The following CEP83 variants were observed in gnomAD, a reference collection of about 807,000 sequenced individuals.
CEP83 encodes centrosomal protein 83.
Under a neutral mutation model 101.9 loss-of-function variants are expected in CEP83, and 70 were observed. The observed-to-expected ratio is 0.69, with a 90% CI of 0.57 to 0.84. The LOEUF is 0.84. Among genes scored for constraint, CEP83 ranks in the 40% least tolerant of loss-of-function variants. The probability of loss-of-function intolerance (pLI) is 0.00; values close to 1 mark genes in which losing one functional copy is unlikely to be tolerated. For missense variants in CEP83, 715 were observed against 787.2 expected (o/e 0.91, Z 1.10); for synonymous variants, 264 against 267.9 (o/e 0.99, Z 0.14).
intron 11 of CEP83, among the ~76,000 whole-genome samples, chr12:94,358,096 C>G (rs2060567779): frequency 6.6e-6 from 1 of 152,210 alleles, no homozygotes; most frequent in Non-Finnish European, 1.5e-5. Flanking sequence ...GCCAATTCAA[C>G]CTGCTCAATT....
Position 94,333,499 on chromosome 12 carries a change from C to A in CEP83, c.1560G>T (p.Ala520=). 1.2e-6 allele frequency: 2 copies of A among 1,613,162 alleles called. No homozygotes were observed. The highest frequency in any genetic ancestry group is 2.2e-5 in the South Asian group (2 of 90,818). ...CRNFRSQAEK[A]QLEAEKTLEE... ...AACTCTACTTTTCAGCTTCTAGTTG[C>A]GCTTTTTCAGCTTGGCTTCTAAAAT... The change falls in exon 13 of 17, where the codon GCG becomes GCT. Residue 520 remains alanine (A), a synonymous_variant. Transcript: ENST00000397809.
chr12:94,370,792 C>A (rs1381731347), intron 8 of CEP83, among the ~76,000 whole-genome samples: 2 of 152,004 alleles, frequency 1.3e-5, no homozygotes. Flanking sequence ...TGTTGGAGAC[C>A]AGCCTGGGCA....
At chr12:94,305,348 C>A, downstream of CEP83, 1 of 894,886 alleles carries the variant, frequency 1.1e-6, no homozygotes, top group Non-Finnish European at 1.8e-6. Context: ...AAAATGGCTG[C>A]TTGAGCTACT....
rs540773895 is a variant in CEP83 at position 94,313,514 on chromosome 12, A to G, written c.1708-497T>C. ...TGTGCCACTCCACCCTGGACAACAGATCAAGAACCCATTAAAAAAAAAAAA... is the reference window on the plus strand; with the variant it reads ...TGTGCCACTCCACCCTGGACAACAGGTCAAGAACCCATTAAAAAAAAAAAA... On this transcript the variant is annotated intron_variant, in intron 14 of 16. Coordinates refer to ENST00000397809, the MANE Select transcript of CEP83 (RefSeq NM_016122.3). Among the ~76,000 whole-genome samples, 242 of 140,790 alleles carry G rather than the reference A, an allele frequency of 1.7e-3. 1 individual carries two copies. Among genetic ancestry groups the G allele is most frequent in the Non-Finnish European group, 2.7e-3 (179 of 65,896 alleles). 92.4% of individuals were successfully genotyped at this position (140,790 alleles called of 152,430 possible). A position where few individuals can be genotyped will look rare whatever the true frequency, so the allele number is the denominator to read the frequency against.
At chr12:94,370,125 C>A (rs1402777866) in intron 8 of CEP83, 89 bp from the exon 9 acceptor site, 13 of 734,854 alleles carry the variant, frequency 1.8e-5, no homozygotes, top group Non-Finnish European at 3.1e-5. Flanking sequence ...CAAGAAAACG[C>A]TCTGGTAGTA....
intron 3 of CEP83, 145 bp from the exon 4 acceptor site, chr12:94,411,992 G>T: frequency 1.4e-6 from 1 of 721,856 alleles, no homozygotes; most frequent in Admixed American, 3.1e-5. Flanking sequence ...TATTTACAGA[G>T]TTTCATTTAA....
intron 1 of CEP83, among the ~76,000 whole-genome samples, chr12:94,451,980 T>C (rs149919877): frequency 1.5e-3 from 231 of 152,296 alleles, no homozygotes; most frequent in African/African-American, 5.0e-3. Flanking sequence ...ACTATTCAAC[T>C]GGTGAATGGA....
intron 2 of CEP83, among the ~76,000 whole-genome samples, chr12:94,413,799 ATTTC>A (rs1390793349): frequency 2.4e-5 from 2 of 82,698 alleles, no homozygotes; most frequent in African/African-American, 3.7e-5. Flanking sequence ...GTCTCCTTTA[ATTTC>A]TTTCTCTAGT....
intron 13 of CEP83, 74 bp downstream of exon 13, chr12:94,333,408 G>GA (rs2059320729): frequency 4.3e-5 from 55 of 1,284,860 alleles, no homozygotes; most frequent in Non-Finnish European, 6.0e-5. Flanking sequence ...ATCAACATTG[G>GA]AATCATTACT....
In CEP83 at chr12:94,313,231, T is replaced by G. The variant is rs916896030; in HGVS notation, c.1708-214A>C. ...ATATTCTCAATGTGACAATTAATTA[T>G]GAATGCCAAACAAAAAAACTGTTAT... On this transcript the variant is annotated intron_variant, in intron 14 of 16. Transcript: ENST00000397809. 5 of 301,132 alleles carry G rather than the reference T, an allele frequency of 1.7e-5. No individual in the cohort carries two copies. In the South Asian group the frequency reaches 4.9e-4, roughly 30 times the overall value. The allele number at this position is 301,132 out of a possible 1,614,324, so 18.7% of individuals were successfully genotyped here. A position where few individuals can be genotyped will look rare whatever the true frequency, so the allele number is the denominator to read the frequency against.
chr12:94,441,179 TAATG>T (rs1381295320), intron 1 of CEP83, among the ~76,000 whole-genome samples: 1 of 152,176 alleles, frequency 6.6e-6, no homozygotes, highest in Non-Finnish European at 1.5e-5. Context: ...GGATGGGACT[TAATG>T]AAACTAAAAA....
At chr12:94,384,700 C>T (rs1256333212) in intron 6 of CEP83, among the ~76,000 whole-genome samples, 1 of 152,208 alleles carries the variant, frequency 6.6e-6, no homozygotes, top group Non-Finnish European at 1.5e-5. Flanking sequence ...GCAACTCAGG[C>T]TTTCTTAGTC....
At chr12:94,377,245 G>GA (rs929299378) in intron 7 of CEP83, among the ~76,000 whole-genome samples, 3 of 152,040 alleles carry the variant, frequency 2.0e-5, no homozygotes, top group Non-Finnish European at 2.9e-5. Context: ...CCTACAGTTG[G>GA]AAAAAATCAT....
chr12:94,393,318 A>G (rs1457318563), intron 6 of CEP83, among the ~76,000 whole-genome samples: 5 of 152,244 alleles, frequency 3.3e-5, no homozygotes, highest in Non-Finnish European at 7.3e-5. Context: ...AGGCTGGTTC[A>G]ACATATGCAA....
Position 94,333,544 on chromosome 12 carries a change from T to C in CEP83, c.1515A>G (p.Arg505=), listed in dbSNP as rs761918024. 1.2e-6 allele frequency: 2 copies of C among 1,613,860 alleles called. No individual in the cohort carries two copies. The highest frequency in any genetic ancestry group is 2.2e-5 in the East Asian group (1 of 44,862). The change falls in exon 13 of 17, where the codon AGA becomes AGG. Residue 505 remains arginine (R), a synonymous_variant. Coordinates refer to ENST00000397809, the MANE Select transcript of CEP83 (RefSeq NM_016122.3). ...TAAAATTTCGGCATTCTTGTTTTAA[T>C]CTCTCCACCATTTCCTTCAGCATTT... ...SNQMLKEMVE[R]LKQECRNFRS...
At chr12:94,390,286 C>T (rs2062437935) in intron 6 of CEP83, among the ~76,000 whole-genome samples, 1 of 152,156 alleles carries the variant, frequency 6.6e-6, no homozygotes, top group South Asian at 2.1e-4. Context: ...GATTAGGCAA[C>T]AACATTTGCT....
intron 14 of CEP83, among the ~76,000 whole-genome samples, chr12:94,319,572 C>T (rs990442081): frequency 6.6e-6 from 1 of 152,096 alleles, no homozygotes; most frequent in Non-Finnish European, 1.5e-5. Context: ...TATGTTGTAT[C>T]TTTTTTCTCT....
intron 2 of CEP83, among the ~76,000 whole-genome samples, chr12:94,433,719 G>A (rs926103622): frequency 6.6e-6 from 1 of 151,650 alleles, no homozygotes; most frequent in African/African-American, 2.4e-5. Context: ...TTAATTTGGG[G>A]GCAGCAAGAG....
At chr12:94,401,309 A>C in intron 5 of CEP83, 1 of 155,146 alleles carries the variant, frequency 6.4e-6, no homozygotes, top group East Asian at 1.8e-4. Context: ...GTAAGAATGT[A>C]GCACACCTTT....
Sources: allele counts gnomAD v4.1 joint callset (sites outside exome capture counted in the v4.1 genomes callset), GRCh38; gene constraint gnomAD v4.1.1; transcripts MANE v1.5; gene names NCBI Gene and HGNC (gene_info 2026-07-23, HGNC 2026-07-21).